Variants in STAU2 observed in about 807,000 individuals in gnomAD.
The protein encoded by STAU2 is double-stranded RNA-binding protein Staufen homolog 2.
A neutral mutation model predicts 65.9 loss-of-function variants in STAU2; 20 were observed. The observed-to-expected ratio is 0.30, with a 90% CI of 0.21 to 0.44. The LOEUF (loss-of-function observed/expected upper bound fraction) is 0.44. Ranked by LOEUF, STAU2 falls within the 20% of genes least tolerant of loss-of-function variation. The pLI is 1.00. For synonymous variants in STAU2, 232 were observed against 233.9 expected (o/e 0.99, Z 0.07); for missense variants, 558 against 683.9 (o/e 0.82, Z 2.05).
At chr8:73,569,707 T>G (rs1353344446) in intron 12 of STAU2, among the ~76,000 whole-genome samples, 1 of 151,982 alleles carries the variant, frequency 6.6e-6, no homozygotes, top group Non-Finnish European at 1.5e-5. Context: ...GGATCTGGAG[T>G]GGACCTCCAG....
Position 73,565,017 on chromosome 8 carries a change from C to T in STAU2, c.1223-12698G>A, listed in dbSNP as rs548396604. ...GCTCCCTAAGCTGCTAGGATAGGCT[C>T]TGACCAACCTCAATCCTGAACTGGA... On this transcript the variant is annotated intron_variant, in intron 12 of 14. Transcript: ENST00000524300. Among the ~76,000 whole-genome samples, 22 of 152,316 alleles carry T rather than the reference C, an allele frequency of 1.4e-4. No individual in the cohort carries two copies. In the South Asian group the frequency reaches 4.6e-3, roughly 32 times the overall value.
intron 3 of STAU2, among the ~76,000 whole-genome samples, chr8:73,729,862 T>C (rs1424487193): frequency 1.3e-5 from 2 of 152,214 alleles, no homozygotes; most frequent in African/African-American, 4.8e-5. Context: ...CCTTTTTGTT[T>C]AAGGTCAGTA....
At chr8:73,473,170 G>A (rs527848341) in intron 13 of STAU2, among the ~76,000 whole-genome samples, 6 of 152,274 alleles carry the variant, frequency 3.9e-5, no homozygotes, top group South Asian at 2.1e-4. Context: ...AATGAGGAGA[G>A]TAAGAAAGCC....
chr8:73,637,500 AAAAAAG>A (rs1254959926), intron 6 of STAU2, among the ~76,000 whole-genome samples: 76 of 141,760 alleles, frequency 5.4e-4, no homozygotes, highest in African/African-American at 1.7e-3. Context: ...AAAAAAAAAA[AAAAAAG>A]AAAAGAAAAA....
intron 3 of STAU2, among the ~76,000 whole-genome samples, chr8:73,709,748 C>T (rs1029159109): frequency 2.0e-5 from 3 of 151,828 alleles, no homozygotes; most frequent in African/African-American, 4.8e-5. Context: ...ATGTACCTAA[C>T]ACCCAGTGCT....
At chr8:73,577,419 T>G (rs961405152) in intron 12 of STAU2, among the ~76,000 whole-genome samples, 10 of 138,894 alleles carry the variant, frequency 7.2e-5, no homozygotes, top group Non-Finnish European at 1.4e-4. Context: ...AGAGCAAGAC[T>G]CCATCTCAAA....
At chr8:73,460,909 C>G (rs1026179587) in intron 13 of STAU2, among the ~76,000 whole-genome samples, 16 of 152,194 alleles carry the variant, frequency 1.1e-4, no homozygotes, top group African/African-American at 3.6e-4. Flanking sequence ...GACACAAGAA[C>G]CAGCTTAAGA....
rs1031481136 is a variant in STAU2 at position 73,688,756 on chromosome 8, T to C, written c.172A>G (p.Ile58Val). 3 of 1,614,070 alleles carry C rather than the reference T, an allele frequency of 1.9e-6. No homozygotes were observed. Among genetic ancestry groups the C allele is most frequent in the African/African-American group, 1.3e-5 (1 of 74,924 alleles). Residue 58 changes from isoleucine to valine, a missense_variant, in exon 5 of 15, where the codon ATA (isoleucine) becomes GTA (valine). Ile to Val is a conservative substitution (Grantham distance 29). Coordinates refer to ENST00000524300, the MANE Select transcript of STAU2 (RefSeq NM_001164380.2). Reference sequence around the variant, plus strand: ...GCAACAGCCTGCTGAGCCTTCTTTATACTGCTGCCTTCGGATTCCCATGTC... The same window carrying C: ...GCAACAGCCTGCTGAGCCTTCTTTACACTGCTGCCTTCGGATTCCCATGTC... ...EQTWESEGSS[I>V]KKAQQAVANK...
chr8:73,671,391 AAC>A (rs72033852), intron 6 of STAU2, among the ~76,000 whole-genome samples: 10,935 of 151,742 alleles, frequency 0.072, 428 homozygotes, highest in Middle Eastern at 0.14. Context: ...AAAACAAACA[AAC>A]AAACAAAAAA....
intron 13 of STAU2, among the ~76,000 whole-genome samples, chr8:73,503,772 T>C (rs1195766151): frequency 6.6e-6 from 1 of 152,090 alleles, no homozygotes; most frequent in African/African-American, 2.4e-5. Context: ...AGTGAAAATT[T>C]GTCTCTTGGC....
chr8:73,570,723 G>A (rs1212424174), intron 12 of STAU2, among the ~76,000 whole-genome samples: 1 of 152,138 alleles, frequency 6.6e-6, no homozygotes, highest in African/African-American at 2.4e-5. Context: ...ACCCATAAAG[G>A]GAAGCCCATC....
intron 6 of STAU2, among the ~76,000 whole-genome samples, chr8:73,654,483 C>A (rs1443857094): frequency 6.6e-6 from 1 of 151,390 alleles, no homozygotes; most frequent in Non-Finnish European, 1.5e-5. Context: ...GAGACCCCAT[C>A]TCTACAAAAA....
intron 6 of STAU2, among the ~76,000 whole-genome samples, chr8:73,645,403 A>C (rs1316344768): frequency 6.6e-6 from 1 of 152,184 alleles, no homozygotes; most frequent in Non-Finnish European, 1.5e-5. Context: ...ATTCACGATA[A>C]AAAAAATTCT....
chr8:73,630,610 A>G (rs913003509), intron 6 of STAU2, among the ~76,000 whole-genome samples: 2 of 152,236 alleles, frequency 1.3e-5, no homozygotes, highest in East Asian at 1.9e-4. Context: ...CTCAGTCATC[A>G]TGACATCCTA....
intron 4 of STAU2, among the ~76,000 whole-genome samples, chr8:73,706,111 A>G (rs1379726899): frequency 6.6e-6 from 1 of 151,296 alleles, no homozygotes; most frequent in African/African-American, 2.4e-5. Flanking sequence ...TAATTAATGT[A>G]CCAAGAAAAA....
intron 5 of STAU2, among the ~76,000 whole-genome samples, chr8:73,683,781 G>A (rs1180976282): frequency 6.6e-6 from 1 of 152,032 alleles, no homozygotes; most frequent in Non-Finnish European, 1.5e-5. Context: ...CAAAATAAAC[G>A]TACACAAGTC....
chr8:73,683,497 A>G (rs918231327), intron 5 of STAU2, among the ~76,000 whole-genome samples: 10 of 152,336 alleles, frequency 6.6e-5, no homozygotes, highest in African/African-American at 2.4e-4. Flanking sequence ...CCCATAGCCA[A>G]CGTTATACTG....
At chr8:73,607,990 G>A (rs1183778647) in intron 9 of STAU2, among the ~76,000 whole-genome samples, 1 of 152,124 alleles carries the variant, frequency 6.6e-6, no homozygotes, top group African/African-American at 2.4e-5. Context: ...TCTTCCGGAT[G>A]ATTGCTGCCA....
intron 12 of STAU2, among the ~76,000 whole-genome samples, chr8:73,562,686 C>T (rs901748744): frequency 4.6e-5 from 7 of 152,184 alleles, no homozygotes; most frequent in East Asian, 1.9e-4. Flanking sequence ...TACAATTCTC[C>T]TTATATGATC....
Sources: allele counts gnomAD v4.1 joint callset (sites outside exome capture counted in the v4.1 genomes callset), GRCh38; gene constraint gnomAD v4.1.1; transcripts MANE v1.5; gene names NCBI Gene and HGNC (gene_info 2026-07-23, HGNC 2026-07-21).